DCAF8L2: variants seen among roughly 807,000 people sequenced by gnomAD.
The protein encoded by DCAF8L2 is DDB1- and CUL4-associated factor 8-like protein 2.
For synonymous variants in DCAF8L2, 200 were observed against 190.9 expected, an observed-to-expected ratio of 1.05 and a Z score of -0.39; for missense variants, 430 against 490.7, an observed-to-expected ratio of 0.88 and a Z score of 1.17.
At position 27,651,913 on chromosome X, in the gene DCAF8L2, T is replaced by C. The variant is rs1929168867; in HGVS notation, c.-220+19913T>C. Among the ~76,000 whole-genome samples the C allele has an allele frequency of 2.7e-5, 3 of 110,726 alleles. No individual in the cohort carries two copies. In the South Asian group the frequency reaches 1.2e-3, roughly 43 times the overall value. On this transcript the variant is annotated intron_variant, in intron 2 of 4. Coordinates refer to ENST00000451261, the MANE Select transcript of DCAF8L2 (RefSeq NM_001353450.2). Reference sequence around the variant, plus strand: ...TGAGATGAAGATAATGATTAGCCATTGGAGTTATTTAGTCAATGTAAACTA... The same window carrying C: ...TGAGATGAAGATAATGATTAGCCATCGGAGTTATTTAGTCAATGTAAACTA...
chrX:27,474,330 T>C, the DCAF8L2 span, among the ~76,000 whole-genome samples: 1 of 112,333 alleles, frequency 8.9e-6, no homozygotes. Context: ...CATCTATCTC[T>C]ACATTTGCAT....
chrX:27,594,266 C>T (rs1307956615), intron 1 of DCAF8L2, among the ~76,000 whole-genome samples: 1 of 111,580 alleles, frequency 9.0e-6, no homozygotes, highest in Non-Finnish European at 1.9e-5. Context: ...ATAACAATTG[C>T]AGTCAGTTTA....
At chrX:27,700,700 G>A (rs982596955) in intron 3 of DCAF8L2, among the ~76,000 whole-genome samples, 6 of 111,313 alleles carry the variant, frequency 5.4e-5, no homozygotes, top group Admixed American at 4.8e-4. Context: ...TGAATATTAC[G>A]TTTATTATGT....
At chrX:27,634,687 A>G (rs992502233) in intron 2 of DCAF8L2, among the ~76,000 whole-genome samples, 1 of 111,202 alleles carries the variant, frequency 9.0e-6, no homozygotes, top group Admixed American at 9.6e-5. Flanking sequence ...TCACAAGTGG[A>G]AAATTCTACA....
At chrX:27,502,333 AAAAT>A in the DCAF8L2 span, among the ~76,000 whole-genome samples, 182 of 23,190 alleles carry the variant, frequency 7.8e-3, no homozygotes, top group Non-Finnish European at 0.01. Context: ...AAAAAAAAAA[AAAAT>A]ATATATATAT....
intron 3 of DCAF8L2, among the ~76,000 whole-genome samples, chrX:27,689,483 G>A (rs1165582496): frequency 8.9e-6 from 1 of 112,529 alleles, no homozygotes; most frequent in Non-Finnish European, 1.9e-5. Flanking sequence ...GACCTCAGGT[G>A]ATCCACCCGC....
intron 2 of DCAF8L2, among the ~76,000 whole-genome samples, chrX:27,661,236 T>C (rs1375653269): frequency 8.9e-6 from 1 of 111,968 alleles, no homozygotes; most frequent in Admixed American, 9.5e-5. Context: ...TTGCTGGAGA[T>C]CTACAGTTTA....
intron 1 of DCAF8L2, among the ~76,000 whole-genome samples, chrX:27,598,426 G>T (rs1459553240): frequency 8.9e-6 from 1 of 112,459 alleles, no homozygotes; most frequent in East Asian, 2.8e-4. Context: ...TACGCCCAGA[G>T]AGGCTTATCT....
At chrX:27,493,767 A>G in the DCAF8L2 span, among the ~76,000 whole-genome samples, 3 of 108,550 alleles carry the variant, frequency 2.8e-5, no homozygotes, top group South Asian at 4.0e-4. Context: ...CCTACAATCT[A>G]TTAGTAGTCA....
chrX:27,491,904 T>G, the DCAF8L2 span, among the ~76,000 whole-genome samples: 1 of 112,481 alleles, frequency 8.9e-6, no homozygotes, highest in African/African-American at 3.2e-5. Flanking sequence ...GAATTAAAAT[T>G]TCAACTTTAT....
chrX:27,651,700 C>T (rs962468860), intron 2 of DCAF8L2, among the ~76,000 whole-genome samples: 3 of 108,638 alleles, frequency 2.8e-5, no homozygotes, highest in Non-Finnish European at 3.8e-5. Flanking sequence ...TTAGTAGAGA[C>T]GGGGTTTCAC....
chrX:27,491,327 A>G, the DCAF8L2 span, among the ~76,000 whole-genome samples: 1 of 111,883 alleles, frequency 8.9e-6, no homozygotes, highest in Non-Finnish European at 1.9e-5. Context: ...CTGCATGTGG[A>G]TATTCAAGTG....
At chrX:27,537,529 C>T in the DCAF8L2 span, among the ~76,000 whole-genome samples, 2 of 112,123 alleles carry the variant, frequency 1.8e-5, no homozygotes, top group Non-Finnish European at 3.8e-5. Flanking sequence ...CAATTTTAGC[C>T]ATTTCAAACT....
intron 1 of DCAF8L2, among the ~76,000 whole-genome samples, chrX:27,596,629 A>G (rs1391917286): frequency 1.8e-5 from 2 of 111,483 alleles, no homozygotes; most frequent in African/African-American, 6.5e-5. Flanking sequence ...CAGTCATAGA[A>G]TTATCTCTGA....
Position 27,730,800 on chromosome X carries a change from C to T in DCAF8L2, c.-59+14629C>T, listed in dbSNP as rs185599698. 4.8e-4 allele frequency among the ~76,000 whole-genome samples: 53 copies of T among 110,796 alleles called. No individual in the cohort carries two copies. The East Asian group carries it at 0.014, about 28-fold the overall frequency. On this transcript the variant is annotated intron_variant, in intron 4 of 4. Transcript: ENST00000451261. Reference sequence around the variant, plus strand: ...GTGAAACAGATCACAACATGGCACTCATATATTTAAAATAAATATATCACA... The same window carrying T: ...GTGAAACAGATCACAACATGGCACTTATATATTTAAAATAAATATATCACA...
Position 27,748,771 on chromosome X carries a change from G to T in DCAF8L2, c.1876G>T (p.Val626Leu). Reference protein sequence around the residue: ...ETSEEEVQDRVQCMPS With the variant: ...ETSEEEVQDRLQCMPS ...ATCTGAGGAGGAGGTCCAAGACCGA[G>T]TGCAGTGCATGCCATCCTGAAGGCC... is the stretch of plus-strand genomic sequence containing the variant. Residue 626 changes from valine (V) to leucine (L), a missense_variant, in exon 5 of 5, where the codon GTG (valine) becomes TTG (leucine). By Grantham distance (32) the Val-to-Leu change is conservative. Transcript: ENST00000451261. The T allele has an allele frequency of 1.7e-6, 2 of 1,203,145 alleles. No individual in the cohort carries two copies. The highest frequency in any genetic ancestry group is 2.2e-6 in the Non-Finnish European group (2 of 890,084).
Position 27,748,368 on chromosome X carries a change from C to T in DCAF8L2, c.1473C>T (p.Cys491=), listed in dbSNP as rs369119389. Residue 491 remains cysteine, a synonymous_variant, in exon 5 of 5, where the codon TGC becomes TGT. Transcript: ENST00000451261. ...AGTTTGTAGTGAGCGGTAGTGATTG[C>T]GGGCACATCTTCTTCTGGGAGAAAT... ...RSEFVVSGSD[C]GHIFFWEKSS... is the part of the protein sequence containing the mutation. The T allele has an allele frequency of 3.6e-5, 43 of 1,202,154 alleles. No homozygotes were observed. Among genetic ancestry groups the T allele is most frequent in the Non-Finnish European group, 4.5e-5 (40 of 890,478 alleles).
rs377702779 is a variant in DCAF8L2, at chrX:27,607,915, T to C, written c.-342+17475T>C. Among the ~76,000 whole-genome samples the C allele has an allele frequency of 2.7e-5, 3 of 111,870 alleles. No individual in the cohort carries two copies. In the East Asian group the frequency reaches 8.4e-4, roughly 31 times the overall value. On this transcript the variant is annotated intron_variant, in intron 1 of 4. Transcript: ENST00000451261. ...CAAGATAATGGATTATGAAATTGAC[T>C]ACAACTTGGAAAAAAGTGTTAGAAA...
the DCAF8L2 span, among the ~76,000 whole-genome samples, chrX:27,563,372 A>G: frequency 8.9e-6 from 1 of 112,105 alleles, no homozygotes; most frequent in South Asian, 3.7e-4. Flanking sequence ...ACAGTCACTT[A>G]ATTTCATGCC....
Sources: allele counts gnomAD v4.1 joint callset (sites outside exome capture counted in the v4.1 genomes callset), GRCh38; gene constraint gnomAD v4.1.1; transcripts MANE v1.5; gene names NCBI Gene and HGNC (gene_info 2026-07-23, HGNC 2026-07-21).